The following SNX29 variants were observed in gnomAD, a reference collection of about 807,000 sequenced individuals.
The protein encoded by SNX29 is sorting nexin 29, also known as sorting nexin-29.
SNX29 carries 78 observed loss-of-function variants against 102.1 expected under a neutral mutation model. That is an observed-to-expected ratio of 0.76 (90% CI 0.64 to 0.92). The LOEUF is 0.92. SNX29 is among the 40% of genes least tolerant of loss of function. The pLI, the probability that SNX29 is intolerant of heterozygous loss-of-function variation, is 0.00. For synonymous variants in SNX29, 580 were observed against 414.5 expected, an observed-to-expected ratio of 1.40 and a Z score of -4.85; for missense variants, 1,280 against 1,061.7, an observed-to-expected ratio of 1.21 and a Z score of -2.86.
intron 14 of SNX29, among the ~76,000 whole-genome samples, chr16:12,275,566 A>G (rs1469702286): frequency 6.6e-6 from 1 of 151,852 alleles, no homozygotes; most frequent in Non-Finnish European, 1.5e-5. Context: ...TTCTCATCAG[A>G]TATTATTTTG....
intron 4 of SNX29, chr16:12,029,789 A>C: frequency 2.9e-6 from 1 of 350,808 alleles, no homozygotes; most frequent in South Asian, 2.2e-5. Context: ...ATGGAGTTTC[A>C]CCATGTTGGC....
In SNX29 at chr16:12,572,762, C is replaced by A. The variant is rs946002560; in HGVS notation, c.*4133C>A. 1.9e-6 allele frequency: 2 copies of A among 1,063,992 alleles called. No individual in the cohort carries two copies. Among genetic ancestry groups the A allele is most frequent in the African/African-American group, 1.6e-5 (1 of 61,126 alleles). The allele number at this position is 1,063,992 out of a possible 1,614,324, so 65.9% of individuals were successfully genotyped here. On this transcript the variant is annotated 3_prime_UTR_variant, in exon 21 of 21. Coordinates refer to ENST00000566228, the MANE Select transcript of SNX29 (RefSeq NM_032167.5). ...AGGGCTGGGTTTTCAGCTTCTGGGA[C>A]CCGAGGAAGACCCCACCTCACTCCT...
intron 16 of SNX29, among the ~76,000 whole-genome samples, chr16:12,386,048 G>C (rs997197719): frequency 6.6e-6 from 1 of 152,194 alleles, no homozygotes; most frequent in African/African-American, 2.4e-5. Context: ...AGGTGTCCCC[G>C]TCACTGCAGA....
intron 13 of SNX29, among the ~76,000 whole-genome samples, chr16:12,182,920 C>G (rs970129883): frequency 8.2e-6 from 1 of 121,536 alleles, no homozygotes; most frequent in African/African-American, 3.3e-5. Flanking sequence ...GACGACAGAG[C>G]GAGACTCTGT....
At chr16:12,478,090 G>A (rs535062765) in intron 19 of SNX29, among the ~76,000 whole-genome samples, 1 of 152,246 alleles carries the variant, frequency 6.6e-6, no homozygotes, top group African/African-American at 2.4e-5. Flanking sequence ...GCAAGAAGTT[G>A]GAAAACTTTT....
At chr16:12,462,932 C>T (rs571566940) in intron 18 of SNX29, among the ~76,000 whole-genome samples, 19 of 152,332 alleles carry the variant, frequency 1.2e-4, no homozygotes, top group African/African-American at 4.3e-4. Flanking sequence ...CTTTTACATC[C>T]CCCTGCTATG....
chr16:12,361,111 C>T (rs2082287639), intron 16 of SNX29, among the ~76,000 whole-genome samples: 2 of 152,326 alleles, frequency 1.3e-5, no homozygotes, highest in Admixed American at 6.5e-5. Flanking sequence ...TCTAATCTAC[C>T]TCCTCTGAGA....
At position 12,570,183 on chromosome 16, in the gene SNX29, T is replaced by A; in HGVS notation, c.*1554T>A. The A allele has an allele frequency of 3.8e-6, 4 of 1,063,642 alleles. No homozygotes were observed. Among genetic ancestry groups the A allele is most frequent in the Non-Finnish European group, 4.6e-6 (4 of 878,502 alleles). 65.9% of individuals were successfully genotyped at this position (1,063,642 alleles called of 1,614,324 possible). A position where few individuals can be genotyped will look rare whatever the true frequency, so the allele number is the denominator to read the frequency against. ...GCCCCCCCACCCCAGAGAAACCGAG[T>A]CAGCCTACATGACTTCCAAGGGGAC... On this transcript the variant is annotated 3_prime_UTR_variant, in exon 21 of 21. Transcript: ENST00000566228.
intron 16 of SNX29, among the ~76,000 whole-genome samples, chr16:12,394,620 T>A (rs1013845366): frequency 2.6e-5 from 4 of 152,196 alleles, no homozygotes; most frequent in African/African-American, 9.7e-5. Flanking sequence ...GATGGTGCTC[T>A]CATTTATCTG....
intron 20 of SNX29, chr16:12,526,404 C>G: frequency 2.6e-6 from 1 of 391,282 alleles, no homozygotes. Context: ...AAGATGGTTG[C>G]TTAGATTTTC....
chr16:12,003,903 A>G (rs1293681730), intron 3 of SNX29, among the ~76,000 whole-genome samples: 1 of 151,764 alleles, frequency 6.6e-6, no homozygotes, highest in Admixed American at 6.6e-5. Flanking sequence ...GGGTCTTGGG[A>G]GGCTGAGGCA....
At chr16:12,295,512 GTACATT>G (rs1351657999) in intron 15 of SNX29, among the ~76,000 whole-genome samples, 1 of 152,172 alleles carries the variant, frequency 6.6e-6, no homozygotes, top group Admixed American at 6.5e-5. Context: ...GTTGACGAAG[GTACATT>G]TTACCTCTGG....
chr16:12,234,113 A>G (rs1280432821), intron 14 of SNX29, among the ~76,000 whole-genome samples: 2 of 152,178 alleles, frequency 1.3e-5, no homozygotes, highest in Non-Finnish European at 2.9e-5. Flanking sequence ...GGTATAACCT[A>G]GGAGTGGGAT....
At chr16:12,426,657 C>T (rs2085091543) in intron 18 of SNX29, among the ~76,000 whole-genome samples, 1 of 152,154 alleles carries the variant, frequency 6.6e-6, no homozygotes, top group South Asian at 2.1e-4. Context: ...AATTGTATCT[C>T]AATTTTTAAA....
At chr16:12,196,974 T>C (rs12445778) in intron 13 of SNX29, among the ~76,000 whole-genome samples, 151,944 of 152,278 alleles carry the variant, frequency 1, 75,805 homozygotes, top group Middle Eastern at 1. Context: ...TTCTTCAAAC[T>C]AGAAGAAAAG....
chr16:12,552,846 G>A (rs958955360), intron 20 of SNX29, among the ~76,000 whole-genome samples: 2 of 152,244 alleles, frequency 1.3e-5, no homozygotes, highest in Non-Finnish European at 2.9e-5. Flanking sequence ...CCAGAGAGGA[G>A]AGGGTGTGGC....
At chr16:12,491,463 A>T (rs554247861) in intron 19 of SNX29, among the ~76,000 whole-genome samples, 48 of 152,114 alleles carry the variant, frequency 3.2e-4, no homozygotes, top group African/African-American at 1.0e-3. Flanking sequence ...TTTATATTTC[A>T]CCAACACAAT....
At chr16:12,213,784 A>G (rs2077249315) in intron 14 of SNX29, among the ~76,000 whole-genome samples, 2 of 151,420 alleles carry the variant, frequency 1.3e-5, no homozygotes, top group South Asian at 4.1e-4. Context: ...TAAACCCTGA[A>G]CAGGTAAGCC....
intron 17 of SNX29, among the ~76,000 whole-genome samples, chr16:12,402,545 G>A (rs2083986950): frequency 6.6e-6 from 1 of 152,268 alleles, no homozygotes; most frequent in Non-Finnish European, 1.5e-5. Flanking sequence ...TTCAGGGACA[G>A]TCAGCTTATT....
Sources: allele counts gnomAD v4.1 joint callset (sites outside exome capture counted in the v4.1 genomes callset), GRCh38; gene constraint gnomAD v4.1.1; transcripts MANE v1.5; gene names NCBI Gene and HGNC (gene_info 2026-07-23, HGNC 2026-07-21).